DCLRE1C: variants seen among roughly 807,000 people sequenced by gnomAD.
DCLRE1C encodes the protein protein artemis.
Under a neutral mutation model 61.4 loss-of-function variants are expected in DCLRE1C, and 47 were observed. The ratio of observed to expected loss-of-function variants is 0.77; its 90% confidence interval spans 0.61 to 0.98. The LOEUF (loss-of-function observed/expected upper bound fraction) is 0.98, where lower values mean the gene tolerates loss of function less well. Among genes scored for constraint, DCLRE1C ranks in the 50% least tolerant of loss-of-function variants. DCLRE1C has a pLI of 0.00. For synonymous variants in DCLRE1C, 337 were observed against 287.6 expected (o/e 1.17, Z -1.74); for missense variants, 858 against 816.0 (o/e 1.05, Z -0.63).
Position 14,907,735 on chromosome 10 carries a change from A to G in DCLRE1C, c.*673T>C, listed in dbSNP as rs1303957907. 1 of 151,574 alleles carries G rather than the reference A, an allele frequency of 6.6e-6. No homozygotes were observed. Among genetic ancestry groups the G allele is most frequent in the Non-Finnish European group, 1.5e-5 (1 of 68,030 alleles). The allele number at this position is 151,574 out of a possible 1,614,324, so 9.4% of individuals were successfully genotyped here. On this transcript the variant is annotated 3_prime_UTR_variant, in exon 14 of 14. Coordinates refer to ENST00000378278, the MANE Select transcript of DCLRE1C (RefSeq NM_001033855.3). ...TCAATCACTTGAATTGACTTTCTTT[A>G]TAGACAGCAGATCACTGGGTTATGT...
chr10:14,927,886 T>C (rs529969221), intron 10 of DCLRE1C, 130 bp downstream of exon 10: 1 of 633,708 alleles, frequency 1.6e-6, no homozygotes, highest in South Asian at 4.9e-5. Context: ...TAAATAAAAT[T>C]TAAATTTAAG....
In DCLRE1C at chr10:14,909,042, G is replaced by T. The variant is rs1834801118; in HGVS notation, c.1445C>A (p.Ala482Asp). The T allele has an allele frequency of 6.2e-7, 1 of 1,614,028 alleles. No individual in the cohort carries two copies. Residue 482 changes from alanine to aspartate, a missense_variant, in exon 14 of 14, where the codon GCT becomes GAT. This residue lies in a region of DCLRE1C where 843 missense variants were observed against 783.5 expected (regional missense o/e 1.08). Transcript: ENST00000378278. ...TTCCCACTGGGGTACATCCCCATCA[G>T]CCTTTTGCAGGTGAAGTACAGAGCC... ...DLGSVLHLQK[A>D]DGDVPQWEVF...
At chr10:14,936,315 ATTCT>A (rs1280730266) in intron 5 of DCLRE1C, among the ~76,000 whole-genome samples, 15 of 148,282 alleles carry the variant, frequency 1.0e-4, no homozygotes, top group Non-Finnish European at 1.8e-4. Context: ...CCCTCTATGT[ATTCT>A]TTCTTTCTTT....
intron 3 of DCLRE1C, among the ~76,000 whole-genome samples, chr10:14,944,850 T>G (rs1841433686): frequency 1.3e-5 from 2 of 151,778 alleles, no homozygotes; most frequent in Admixed American, 6.6e-5. Context: ...AAATTTTGTA[T>G]TTTTAGTAGA....
intron 13 of DCLRE1C, among the ~76,000 whole-genome samples, chr10:14,914,719 A>G (rs780909220): frequency 6.6e-6 from 1 of 152,170 alleles, no homozygotes; most frequent in African/African-American, 2.4e-5. Flanking sequence ...CAGGTGGATC[A>G]CCTGAGGTCA....
At chr10:14,953,777 G>A in intron 1 of DCLRE1C, 125 bp downstream of exon 1, 1 of 1,377,790 alleles carries the variant, frequency 7.3e-7, no homozygotes. Context: ...GGGACAAGGC[G>A]TGTGCTGGCC....
chr10:14,946,332 G>A (rs1466391962), intron 2 of DCLRE1C, among the ~76,000 whole-genome samples: 2 of 151,952 alleles, frequency 1.3e-5, no homozygotes, highest in South Asian at 2.1e-4. Flanking sequence ...AAAACTTAAC[G>A]CTATCATTTT....
At chr10:14,942,996 C>T (rs1211781001) in intron 3 of DCLRE1C, among the ~76,000 whole-genome samples, 1 of 152,140 alleles carries the variant, frequency 6.6e-6, no homozygotes, top group Non-Finnish European at 1.5e-5. Context: ...TGTGGTGGTT[C>T]AGGCCTGTAA....
At chr10:14,936,640 T>C (rs1442840335) in intron 4 of DCLRE1C, 47 bp from the exon 5 acceptor site, 5 of 1,380,874 alleles carry the variant, frequency 3.6e-6, no homozygotes, top group Non-Finnish European at 5.1e-6. Context: ...CAGTTATCAT[T>C]AGGACCTAGC....
chr10:14,912,678 C>T (rs1307329807), intron 13 of DCLRE1C, among the ~76,000 whole-genome samples: 1 of 152,104 alleles, frequency 6.6e-6, no homozygotes, highest in East Asian at 1.9e-4. Flanking sequence ...CAAAATAGCA[C>T]ATGGTGTATA....
chr10:14,925,250 T>TAAAAAAAAAAAAAAAAA (rs1588999380), intron 11 of DCLRE1C, among the ~76,000 whole-genome samples: 1 of 104,080 alleles, frequency 9.6e-6, no homozygotes. Context: ...AAAAAAAAAG[T>TAAAAAAAAAAAAAAAAA]AAAGTCAAGC....
At chr10:14,901,540 C>A (rs929266008), downstream of DCLRE1C, among the ~76,000 whole-genome samples, 2 of 150,772 alleles carry the variant, frequency 1.3e-5, no homozygotes, top group African/African-American at 4.9e-5. Context: ...TACTGTACTA[C>A]TTGTCTTTTT....
At chr10:14,944,112 A>C (rs1236386256) in intron 3 of DCLRE1C, among the ~76,000 whole-genome samples, 1 of 151,848 alleles carries the variant, frequency 6.6e-6, no homozygotes, top group Non-Finnish European at 1.5e-5. Flanking sequence ...TATTTTTCTT[A>C]CTCTATCCCA....
intron 11 of DCLRE1C, among the ~76,000 whole-genome samples, chr10:14,925,327 C>G (rs1837792776): frequency 6.6e-6 from 1 of 151,858 alleles, no homozygotes; most frequent in Non-Finnish European, 1.5e-5. Context: ...AAGAGACACC[C>G]AATAAAGGAG....
Position 14,946,711 on chromosome 10 carries a change from G to C in DCLRE1C, c.162-1522C>G, listed in dbSNP as rs537587195. Among the ~76,000 whole-genome samples, 9 of 152,134 alleles carry C rather than the reference G, an allele frequency of 5.9e-5. No individual in the cohort carries two copies. The South Asian group carries it at 1.9e-3, about 32-fold the overall frequency. On this transcript the variant is annotated intron_variant, in intron 2 of 13. Coordinates refer to ENST00000378278, the MANE Select transcript of DCLRE1C (RefSeq NM_001033855.3). ...GGGGAGCTCACTGTCACCCAGGCTG[G>C]AATGCAAGCTATCCTCCCACATCAG...
chr10:14,929,385 C>A (rs146417429), intron 9 of DCLRE1C, among the ~76,000 whole-genome samples: 1 of 148,900 alleles, frequency 6.7e-6, no homozygotes, highest in Non-Finnish European at 1.5e-5. Context: ...GCCTGGGCAA[C>A]GGAGCGAAAC....
rs746220817 is a variant in DCLRE1C at position 14,949,048 on chromosome 10, C to T, written c.149G>A (p.Arg50Lys). Residue 50 changes from arginine (R) to lysine (K), a missense_variant, in exon 2 of 14, where the codon AGG becomes AAG. Transcript: ENST00000378278. ...CAAAATAAATTACCTGCACTCCAACCTTCTTTTCAAGGTAGGGGCTCTTAA... is the reference window on the plus strand; with the variant it reads ...CAAAATAAATTACCTGCACTCCAACTTTCTTTTCAAGGTAGGGGCTCTTAA... ...KGLRAPTLKR[R>K]LECSLKVYLY... The T allele has an allele frequency of 3.7e-6, 6 of 1,611,042 alleles. No homozygotes were observed. In the African/African-American group the frequency reaches 8.0e-5, roughly 22 times the overall value.
intron 2 of DCLRE1C, among the ~76,000 whole-genome samples, 177 bp downstream of exon 2, chr10:14,948,859 A>G (rs998698368): frequency 2.6e-5 from 4 of 151,900 alleles, no homozygotes; most frequent in African/African-American, 9.7e-5. Flanking sequence ...CTTTGGGAGG[A>G]GGGAATGAGT....
downstream of DCLRE1C, chr10:14,903,807 AT>A (rs1834176955): frequency 6.6e-6 from 1 of 152,192 alleles, no homozygotes; most frequent in Non-Finnish European, 1.5e-5. Context: ...ACCTAAGCTC[AT>A]TGCTCCAGGC....
Sources: allele counts gnomAD v4.1 joint callset (sites outside exome capture counted in the v4.1 genomes callset), GRCh38; gene constraint gnomAD v4.1.1; regional missense constraint gnomAD v4.1.1; transcripts MANE v1.5; gene names NCBI Gene and HGNC (gene_info 2026-07-23, HGNC 2026-07-21).